The following EBF3 variants were observed in gnomAD, a reference collection of about 807,000 sequenced individuals.
The protein encoded by EBF3 is EBF transcription factor 3.
A neutral mutation model predicts 77.1 loss-of-function variants in EBF3; 18 were observed. The observed-to-expected ratio is 0.23, with a 90% CI of 0.16 to 0.35. The LOEUF (loss-of-function observed/expected upper bound fraction) is 0.35. EBF3 is among the 10% of genes least tolerant of loss of function. The pLI is 1.00. For missense variants in EBF3, 558 were observed against 860.0 expected, an observed-to-expected ratio of 0.65 and a Z score of 4.39; for synonymous variants, 350 against 343.5, an observed-to-expected ratio of 1.02 and a Z score of -0.21.
chr10:129,941,381 G>T (rs1857725304), intron 6 of EBF3, among the ~76,000 whole-genome samples: 1 of 152,244 alleles, frequency 6.6e-6, no homozygotes, highest in African/African-American at 2.4e-5. Context: ...TTCTGCCCCG[G>T]TCATCACAAA....
chr10:129,964,066 G>C lies in EBF3; in HGVS notation c.-298C>G. On this transcript the variant is annotated 5_prime_UTR_variant, in exon 1 of 17. Coordinates refer to ENST00000440978, the MANE Select transcript of EBF3 (RefSeq NM_001375380.1). This position sits in a 1 kb window ranked among gnomAD's most constrained non-coding sequence, Gnocchi z 4.5. ...GTTGTTGTTTGCAGGCGCGCTCAAC[G>C]TGGTGTCATCCTAGCCAGGCGGCGT... The C allele has an allele frequency of 1.0e-6, 1 of 985,184 alleles. No individual in the cohort carries two copies. Among genetic ancestry groups the C allele is most frequent in the Non-Finnish European group, 1.2e-6 (1 of 829,856 alleles). 61.0% of individuals were successfully genotyped at this position (985,184 alleles called of 1,614,324 possible). A position where few individuals can be genotyped will look rare whatever the true frequency, so the allele number is the denominator to read the frequency against.
Position 129,938,233 on chromosome 10 carries a change from T to A in EBF3, c.554+19025A>T, listed in dbSNP as rs1857492055. On this transcript the variant is annotated intron_variant, in intron 6 of 16. Coordinates refer to ENST00000440978, the MANE Select transcript of EBF3 (RefSeq NM_001375380.1). The surrounding 1 kb of genome is among the most constrained non-coding windows in gnomAD (Gnocchi z 5.1). ...TGCTCTGTTCTAGAACGGAAATTAGTGGGTTTTTTTAAAGTTCATGGCGGG... is the reference window on the plus strand; with the variant it reads ...TGCTCTGTTCTAGAACGGAAATTAGAGGGTTTTTTTAAAGTTCATGGCGGG... 6.6e-6 allele frequency among the ~76,000 whole-genome samples: 1 copy of A among 151,996 alleles called. No individual in the cohort carries two copies. Among genetic ancestry groups the A allele is most frequent in the Admixed American group, 6.6e-5 (1 of 15,260 alleles).
At chr10:129,872,982 C>T (rs992672742) in intron 8 of EBF3, among the ~76,000 whole-genome samples, 3 of 151,962 alleles carry the variant, frequency 2.0e-5, no homozygotes, top group African/African-American at 7.3e-5. Context: ...TCCTCCTTGC[C>T]CCCACTCTTG....
At chr10:129,843,302 C>A in intron 11 of EBF3, 100 bp from the exon 12 acceptor site, 3 of 1,292,568 alleles carry the variant, frequency 2.3e-6, no homozygotes, top group Non-Finnish European at 3.3e-6. Flanking sequence ...GACCAGTCCC[C>A]ACCCACAGCG....
rs1849568061 is a variant in EBF3 at position 129,835,538 on chromosome 10, T to C, written c.*2405A>G. 1 of 152,186 alleles carries C rather than the reference T, an allele frequency of 6.6e-6. No homozygotes were observed. Among genetic ancestry groups the C allele is most frequent in the Non-Finnish European group, 1.5e-5 (1 of 68,036 alleles). 9.4% of individuals were successfully genotyped at this position (152,186 alleles called of 1,614,324 possible). On this transcript the variant is annotated 3_prime_UTR_variant, in exon 17 of 17. Coordinates refer to ENST00000440978, the MANE Select transcript of EBF3 (RefSeq NM_001375380.1). ...TCTCAGTGCGTCCATGTGAGCTCTT[T>C]TGTAGATCAAACCCTTACTCGTACA...
intron 6 of EBF3, among the ~76,000 whole-genome samples, chr10:129,939,402 C>T (rs1857575086): frequency 6.6e-6 from 1 of 152,212 alleles, no homozygotes; most frequent in Admixed American, 6.5e-5. Context: ...AAAATCAAAC[C>T]AACCAACAAT....
intron 6 of EBF3, among the ~76,000 whole-genome samples, chr10:129,891,483 A>G (rs189330257): frequency 6.6e-4 from 101 of 152,374 alleles, no homozygotes; most frequent in Non-Finnish European, 1.1e-3. Context: ...TGTTTCAAGT[A>G]AATACAAAAG....
In EBF3 at chr10:129,842,162, G is replaced by T. The variant is rs1308515901; in HGVS notation, c.1326C>A (p.Ser442Arg). ...TGMMGVNSFSSQLAVNVSETS... is the reference protein window; with the variant it reads ...TGMMGVNSFSRQLAVNVSETS... ...TCTCTGACACGTTGACGGCTAGCTGGCTGCTGAAGGAGTTGACGCCCATCA... is the reference window on the plus strand; with the variant it reads ...TCTCTGACACGTTGACGGCTAGCTGTCTGCTGAAGGAGTTGACGCCCATCA... Residue 442 changes from serine (S) to arginine (R), a missense_variant, in exon 13 of 17, where the codon AGC becomes AGA. Transcript: ENST00000440978. The surrounding 1 kb of genome is among the most constrained non-coding windows in gnomAD (Gnocchi z 4.4). 1 of 1,614,126 alleles carries T rather than the reference G, an allele frequency of 6.2e-7. No homozygotes were observed. The highest frequency in any genetic ancestry group is 8.5e-7 in the Non-Finnish European group (1 of 1,180,060).
rs1859627983 is a variant in EBF3, at chr10:129,962,807, T to C, written c.355+135A>G. The C allele has an allele frequency of 5.9e-6, 6 of 1,018,436 alleles. No individual in the cohort carries two copies. In the South Asian group the frequency reaches 9.5e-5, roughly 16 times the overall value. The allele number at this position is 1,018,436 out of a possible 1,614,324, so 63.1% of individuals were successfully genotyped here. On this transcript the variant is annotated intron_variant, in intron 3 of 16. Coordinates refer to ENST00000440978, the MANE Select transcript of EBF3 (RefSeq NM_001375380.1). The stretch of plus-strand genomic sequence containing the variant: ...CGACTTATTGATCGTTTATGTTTTG[T>C]TTTCCTTCTATGCCATGAGAAGATT...
chr10:129,888,916 G>A (rs1853809603), intron 6 of EBF3, among the ~76,000 whole-genome samples: 1 of 152,232 alleles, frequency 6.6e-6, no homozygotes. Context: ...ACCCCAGTGT[G>A]GGCAGAGGGA....
intron 6 of EBF3, among the ~76,000 whole-genome samples, chr10:129,898,412 A>T (rs73381797): frequency 6.0e-4 from 91 of 152,346 alleles, no homozygotes; most frequent in Middle Eastern, 3.4e-3. Context: ...AGGAAATGAT[A>T]TAGAAACAGC....
chr10:129,915,878 C>T (rs1855855494), intron 6 of EBF3, among the ~76,000 whole-genome samples: 1 of 152,162 alleles, frequency 6.6e-6, no homozygotes, highest in African/African-American at 2.4e-5. Flanking sequence ...GGCTCCTTCC[C>T]GGGTGGCAGG....
intron 6 of EBF3, among the ~76,000 whole-genome samples, chr10:129,927,129 C>T (rs756266221): frequency 2.6e-5 from 4 of 152,190 alleles, no homozygotes; most frequent in Non-Finnish European, 5.9e-5. Context: ...TGCTTATTGC[C>T]TGAGAAGCGA....
At chr10:129,840,191 T>G in intron 15 of EBF3, 54 bp downstream of exon 15, 1 of 740,826 alleles carries the variant, frequency 1.3e-6, no homozygotes. Context: ...CCCACTCCCA[T>G]CCCCACCCCT....
intron 6 of EBF3, 149 bp downstream of exon 6, chr10:129,957,109 A>G (rs1859095286): frequency 1.6e-6 from 1 of 623,988 alleles, no homozygotes; most frequent in South Asian, 2.5e-5. Context: ...CCACCTGTGC[A>G]TGATAACACA....
chr10:129,916,632 C>T (rs918150839), intron 6 of EBF3, among the ~76,000 whole-genome samples: 42 of 152,334 alleles, frequency 2.8e-4, no homozygotes, highest in African/African-American at 1.0e-3. Context: ...AGCTCAGGAG[C>T]CAGCAGGGCC....
chr10:129,900,478 A>G (rs984263919), intron 6 of EBF3, among the ~76,000 whole-genome samples: 1 of 152,218 alleles, frequency 6.6e-6, no homozygotes, highest in African/African-American at 2.4e-5. Flanking sequence ...AGCACCAGCA[A>G]GGTCCTGGGG....
Position 129,848,355 on chromosome 10 carries a change from CCA to C in EBF3, c.1128+35_1128+36del. ...AACCAGAACCAGCCCAGTGGCGGCC[CCA>C]CCATGAGCGGGGTGCCACTTGCTCT... On this transcript the variant is annotated intron_variant, in intron 11 of 16. Coordinates refer to ENST00000440978, the MANE Select transcript of EBF3 (RefSeq NM_001375380.1). This position sits in a 1 kb window ranked among gnomAD's most constrained non-coding sequence, Gnocchi z 4.4. 1.2e-6 allele frequency: 2 copies of C among 1,605,782 alleles called. No individual in the cohort carries two copies. Among genetic ancestry groups the C allele is most frequent in the South Asian group, 2.2e-5 (2 of 90,916 alleles).
intron 6 of EBF3, among the ~76,000 whole-genome samples, chr10:129,951,414 T>TCCA (rs1858670157): frequency 6.6e-6 from 1 of 152,222 alleles, no homozygotes; most frequent in African/African-American, 2.4e-5. Context: ...CAGCCCTGCT[T>TCCA]CCAGCCCTTG....
Sources: gnomAD v4.1 joint callset for allele counts (sites outside exome capture counted in the v4.1 genomes callset) on GRCh38, gnomAD v4.1.1 for gene constraint, Gnocchi (gnomAD v3.1) non-coding constraint, MANE v1.5 for transcripts, NCBI Gene and HGNC (gene_info 2026-07-23, HGNC 2026-07-21) for gene names.